Variants in SNX16 observed in about 807,000 individuals in gnomAD.
SNX16 encodes the protein sorting nexin 16, also known as sorting nexin-16.
SNX16 carries 35 observed loss-of-function variants against 36.7 expected under a neutral mutation model. The observed-to-expected ratio is 0.95, with a 90% confidence interval of 0.73 to 1.27. The LOEUF (loss-of-function observed/expected upper bound fraction) is 1.27. Ranked by LOEUF, SNX16 falls within the 50% of genes most tolerant of loss-of-function variation. The pLI is 0.00. For missense variants in SNX16, 367 were observed against 393.6 expected (o/e 0.93, Z 0.57); for synonymous variants, 134 against 132.0 (o/e 1.02, Z -0.10).
At chr8:81,808,006 G>T (rs1212026901) in intron 5 of SNX16, 19 of 830,306 alleles carry the variant, frequency 2.3e-5, no homozygotes, top group African/African-American at 1.7e-4. Flanking sequence ...GCCACAGAAG[G>T]TGGATGGAAG....
At chr8:81,830,292 G>A (rs188018967) in intron 2 of SNX16, among the ~76,000 whole-genome samples, 45 of 152,158 alleles carry the variant, frequency 3.0e-4, no homozygotes, top group Non-Finnish European at 6.0e-4. Context: ...TCACAGGGCC[G>A]GGTGTGGTGG....
chr8:81,840,180 T>C, intron 1 of SNX16, 98 bp from the exon 2 acceptor site: 1 of 602,122 alleles, frequency 1.7e-6, no homozygotes. Context: ...TATTATTTTA[T>C]TTGGAATGAA....
At chr8:81,813,202 T>C (rs969425198) in intron 5 of SNX16, among the ~76,000 whole-genome samples, 7 of 151,944 alleles carry the variant, frequency 4.6e-5, no homozygotes, top group African/African-American at 1.7e-4. Context: ...GGAAAAGATA[T>C]GCTATGCAAA....
chr8:81,817,499 T>A (rs1346574191), intron 4 of SNX16, among the ~76,000 whole-genome samples: 1 of 152,184 alleles, frequency 6.6e-6, no homozygotes, highest in African/African-American at 2.4e-5. Context: ...TGAAATCCAA[T>A]GGATTCTTTA....
chr8:81,817,289 T>C (rs1810538694), intron 4 of SNX16, among the ~76,000 whole-genome samples: 1 of 152,226 alleles, frequency 6.6e-6, no homozygotes, highest in African/African-American at 2.4e-5. Flanking sequence ...GGACTGCTAC[T>C]GCTAGGAAAG....
At position 81,816,258 on chromosome 8, in the gene SNX16, C is replaced by T. The variant is rs180825000; in HGVS notation, c.612-864G>A. On this transcript the variant is annotated intron_variant, in intron 4 of 7. Transcript: ENST00000345957. ...AGTCTGGAGTGCAGTGATGTGATCT[C>T]GGCTCACTGCAACCTCCGCCTCCTG... Among the ~76,000 whole-genome samples, 468 of 149,192 alleles carry T rather than the reference C, an allele frequency of 3.1e-3. 2 individuals are homozygous for T. Among genetic ancestry groups the T allele is most frequent in the Non-Finnish European group, 5.3e-3 (358 of 67,668 alleles).
chr8:81,836,593 C>T (rs2130766556), intron 2 of SNX16, among the ~76,000 whole-genome samples: 1 of 152,260 alleles, frequency 6.6e-6, no homozygotes, highest in Admixed American at 6.5e-5. Flanking sequence ...ACTCCACTTC[C>T]AAATCATTAG....
chr8:81,834,733 C>A (rs1190821971), intron 2 of SNX16, among the ~76,000 whole-genome samples: 2 of 152,212 alleles, frequency 1.3e-5, no homozygotes, highest in Non-Finnish European at 2.9e-5. Flanking sequence ...GGGTCCTGCT[C>A]ATGCAAGAGG....
At chr8:81,808,896 C>T (rs1342502337) in intron 5 of SNX16, among the ~76,000 whole-genome samples, 2 of 151,908 alleles carry the variant, frequency 1.3e-5, no homozygotes, top group East Asian at 1.9e-4. Context: ...GCAAAAAACT[C>T]GAGGACTGTA....
intron 5 of SNX16, among the ~76,000 whole-genome samples, chr8:81,806,494 C>T (rs1809953461): frequency 6.6e-6 from 1 of 151,976 alleles, no homozygotes. Flanking sequence ...AGAAATAGAA[C>T]TTCTTTAATC....
At chr8:81,838,304 T>C (rs983715769) in intron 2 of SNX16, among the ~76,000 whole-genome samples, 2 of 152,148 alleles carry the variant, frequency 1.3e-5, no homozygotes, top group African/African-American at 4.8e-5. Context: ...GATTAATCTA[T>C]AGATCTAACA....
intron 3 of SNX16, among the ~76,000 whole-genome samples, chr8:81,829,023 C>T (rs1162437549): frequency 6.6e-6 from 1 of 152,130 alleles, no homozygotes; most frequent in Non-Finnish European, 1.5e-5. Flanking sequence ...TGATGCTAAG[C>T]AAGGAACCCA....
intron 7 of SNX16, 104 bp from the exon 8 acceptor site, chr8:81,801,697 T>G: frequency 5.6e-5 from 24 of 429,408 alleles, no homozygotes; most frequent in South Asian, 9.8e-5. Context: ...TTATAGAAAA[T>G]TTACATACTT....
At chr8:81,805,021 A>C (rs1341660217) in intron 5 of SNX16, among the ~76,000 whole-genome samples, 1 of 140,438 alleles carries the variant, frequency 7.1e-6, no homozygotes, top group Non-Finnish European at 1.6e-5. Context: ...CAAATTAGTA[A>C]GTTTGATATG....
At chr8:81,807,894 G>T in intron 5 of SNX16, 1 of 766,850 alleles carries the variant, frequency 1.3e-6, no homozygotes, top group Admixed American at 1.7e-5. Flanking sequence ...GAACCCTCAC[G>T]AACTGTGCGG....
rs186295566 is a variant in SNX16, at chr8:81,818,619, G to C, written c.612-3225C>G. Reference sequence around the variant, plus strand: ...AGGCAGAACATTTTTATATTGGACAGCTTGAAATGACAAGTAACTTTTTAA... The same window carrying C: ...AGGCAGAACATTTTTATATTGGACACCTTGAAATGACAAGTAACTTTTTAA... On this transcript the variant is annotated intron_variant, in intron 4 of 7. Coordinates refer to ENST00000345957, the MANE Select transcript of SNX16 (RefSeq NM_152836.3). 2.7e-3 allele frequency among the ~76,000 whole-genome samples: 418 copies of C among 152,226 alleles called. 2 individuals carry two copies. The highest frequency in any genetic ancestry group is 4.4e-3 in the Non-Finnish European group (296 of 67,968).
At chr8:81,822,945 T>TATATATATACATAC (rs1810822101) in intron 4 of SNX16, among the ~76,000 whole-genome samples, 1 of 78,684 alleles carries the variant, frequency 1.3e-5, no homozygotes, top group East Asian at 2.7e-4. Context: ...TATATACATA[T>TATATATATACATAC]ACATATATAT....
intron 4 of SNX16, among the ~76,000 whole-genome samples, chr8:81,818,938 A>T (rs557729299): frequency 6.6e-6 from 1 of 152,204 alleles, no homozygotes; most frequent in South Asian, 2.1e-4. Context: ...GATGGCTATC[A>T]TATCTCCCAA....
intron 5 of SNX16, among the ~76,000 whole-genome samples, chr8:81,806,526 TAAAC>T (rs1211883853): frequency 2.6e-5 from 4 of 151,298 alleles, no homozygotes; most frequent in African/African-American, 9.7e-5. Context: ...ACGAAAACAA[TAAAC>T]AAATCAACAT....
Sources: allele counts gnomAD v4.1 joint callset (sites outside exome capture counted in the v4.1 genomes callset), GRCh38; gene constraint gnomAD v4.1.1; transcripts MANE v1.5; gene names NCBI Gene and HGNC (gene_info 2026-07-23, HGNC 2026-07-21).